Variants in CAMK4 observed in about 807,000 individuals in gnomAD.
The protein encoded by CAMK4 is calcium/calmodulin dependent protein kinase IV, also known as calcium/calmodulin-dependent protein kinase type IV.
A neutral mutation model predicts 44.9 loss-of-function variants in CAMK4; 22 were observed. The ratio of observed to expected loss-of-function variants is 0.49; its 90% confidence interval spans 0.35 to 0.70. The LOEUF (loss-of-function observed/expected upper bound fraction) is 0.70. Among genes scored for constraint, CAMK4 ranks in the 30% least tolerant of loss-of-function variants. The pLI is 0.01. For missense variants in CAMK4, 498 were observed against 586.8 expected (o/e 0.85, Z 1.56); for synonymous variants, 218 against 215.4 (o/e 1.01, Z -0.11).
chr5:111,224,599 G>A lies in CAMK4; in HGVS notation c.116G>A (p.Arg39Lys), dbSNP rs1561344615. Residue 39 changes from arginine to lysine, a missense_variant, in exon 1 of 11, where the codon AGG becomes AAG. Coordinates refer to ENST00000282356, the MANE Select transcript of CAMK4 (RefSeq NM_001744.6). This position sits in a 1 kb window ranked among gnomAD's most constrained non-coding sequence, Gnocchi z 5.7. ...VPDYWIDGSN[R>K]DALSDFFEVE... ...GATTACTGGATCGACGGCTCCAACA[G>A]GGATGCGCTGAGCGATTTCTTCGAG... The A allele has an allele frequency of 3.1e-6, 5 of 1,612,062 alleles. No individual in the cohort carries two copies. Among genetic ancestry groups the A allele is most frequent in the Non-Finnish European group, 4.2e-6 (5 of 1,179,632 alleles).
chr5:111,344,193 G>T, intron 2 of CAMK4, 91 bp downstream of exon 2: 8 of 725,648 alleles, frequency 1.1e-5, no homozygotes, highest in Admixed American at 7.1e-5. Flanking sequence ...GGGCCAGAGA[G>T]CTGCTGTGTG....
chr5:111,397,647 T>C (rs1752067309), intron 5 of CAMK4, among the ~76,000 whole-genome samples: 2 of 131,006 alleles, frequency 1.5e-5, no homozygotes, highest in Non-Finnish European at 3.2e-5. Flanking sequence ...CAAGTCAGCA[T>C]GCTGTGTGTG....
At chr5:111,324,482 G>A (rs1042919289) in intron 1 of CAMK4, among the ~76,000 whole-genome samples, 8 of 151,802 alleles carry the variant, frequency 5.3e-5, no homozygotes, top group Non-Finnish European at 7.4e-5. Context: ...GAAATGAAGG[G>A]GCATTTCATA....
chr5:111,279,428 G>A (rs187204419), intron 1 of CAMK4, among the ~76,000 whole-genome samples: 1 of 152,276 alleles, frequency 6.6e-6, no homozygotes, highest in African/African-American at 2.4e-5. Flanking sequence ...ATCCATGTAT[G>A]AGAAAGCTAG....
intron 5 of CAMK4, among the ~76,000 whole-genome samples, chr5:111,396,247 TA>T (rs1176246980): frequency 3.9e-5 from 6 of 152,208 alleles, no homozygotes; most frequent in African/African-American, 1.2e-4. Context: ...TTATTCCCCA[TA>T]AAAGTGTTTT....
chr5:111,310,001 G>T (rs1748130363), intron 1 of CAMK4, among the ~76,000 whole-genome samples: 1 of 152,168 alleles, frequency 6.6e-6, no homozygotes, highest in Admixed American at 6.5e-5. Flanking sequence ...AGACAGCAGG[G>T]TTCAGGCTTC....
Position 111,482,172 on chromosome 5 carries a change from AT to A in CAMK4, c.829-611del, listed in dbSNP as rs1363009558. The A allele has an allele frequency of 6.6e-6, 1 of 152,182 alleles. No individual in the cohort carries two copies. The highest frequency in any genetic ancestry group is 2.4e-5 in the African/African-American group (1 of 41,434). The allele number at this position is 152,182 out of a possible 1,614,324, so 9.4% of individuals were successfully genotyped here. A position where few individuals can be genotyped will look rare whatever the true frequency, so the allele number is the denominator to read the frequency against. ...AACCTCCAAGAATGGGCTGCCATTG[AT>A]TGGATTCCATTCTTTAGGCAAATCA... On this transcript the variant is annotated intron_variant, in intron 9 of 10. Transcript: ENST00000282356. The surrounding 1 kb of genome is among the most constrained non-coding windows in gnomAD (Gnocchi z 4.9).
chr5:111,443,825 G>GA (rs952175253), intron 5 of CAMK4, among the ~76,000 whole-genome samples: 1 of 152,104 alleles, frequency 6.6e-6, no homozygotes, highest in Admixed American at 6.5e-5. Flanking sequence ...AGATTAGGGG[G>GA]AAAAATCAAT....
chr5:111,284,540 C>CG lies in CAMK4; in HGVS notation c.162-59482dup, dbSNP rs541900368. On this transcript the variant is annotated intron_variant, in intron 1 of 10. Coordinates refer to ENST00000282356, the MANE Select transcript of CAMK4 (RefSeq NM_001744.6). Reference sequence around the variant, plus strand: ...GATAGAAGCCTTGTCTGGCTCTGGGCGGATCACCAGCCTCAGATAGTCTCT... The same window carrying CG: ...GATAGAAGCCTTGTCTGGCTCTGGGCGGGATCACCAGCCTCAGATAGTCTCT... Among the ~76,000 whole-genome samples the CG allele has an allele frequency of 3.9e-3, 601 of 152,238 alleles. 7 individuals are homozygous for CG. The highest frequency in any genetic ancestry group is 0.013 in the African/African-American group (560 of 41,526).
At chr5:111,419,793 A>G (rs913259386) in intron 5 of CAMK4, among the ~76,000 whole-genome samples, 2 of 152,064 alleles carry the variant, frequency 1.3e-5, no homozygotes, top group African/African-American at 4.8e-5. Flanking sequence ...GTTCTGTTCC[A>G]TTGATCTATA....
chr5:111,432,542 AC>A (rs1339066212), intron 5 of CAMK4, among the ~76,000 whole-genome samples: 1 of 150,224 alleles, frequency 6.7e-6, no homozygotes, highest in Non-Finnish European at 1.5e-5. Context: ...GGGGATAGAT[AC>A]CCCCATTCTC....
chr5:111,247,683 C>G (rs906846000), intron 1 of CAMK4, among the ~76,000 whole-genome samples: 10 of 152,030 alleles, frequency 6.6e-5, no homozygotes, highest in Non-Finnish European at 1.5e-4. Flanking sequence ...CAGTTTTGCT[C>G]CTAAGGACTT....
intron 5 of CAMK4, among the ~76,000 whole-genome samples, chr5:111,414,645 A>T (rs1462451661): frequency 6.6e-6 from 1 of 152,222 alleles, no homozygotes; most frequent in Non-Finnish European, 1.5e-5. Context: ...GGAAAAACAA[A>T]ATCTATTGGA....
intron 2 of CAMK4, among the ~76,000 whole-genome samples, chr5:111,348,881 G>A (rs1372110748): frequency 2.6e-5 from 4 of 152,004 alleles, no homozygotes; most frequent in Admixed American, 2.0e-4. Flanking sequence ...CTCTCTAAAT[G>A]TTATGACAAA....
intron 9 of CAMK4, among the ~76,000 whole-genome samples, chr5:111,481,525 A>G (rs930827463): frequency 5.3e-5 from 8 of 152,168 alleles, no homozygotes; most frequent in Non-Finnish European, 1.5e-5. Context: ...TCCTCATTTG[A>G]CTTGCCGCCT....
chr5:111,463,143 T>C (rs183141850), intron 7 of CAMK4, among the ~76,000 whole-genome samples: 242 of 152,336 alleles, frequency 1.6e-3, no homozygotes, highest in Non-Finnish European at 3.1e-3. Context: ...AATGGTAAGA[T>C]AATTTTAGGA....
At chr5:111,324,360 T>C (rs1748786681) in intron 1 of CAMK4, among the ~76,000 whole-genome samples, 1 of 151,968 alleles carries the variant, frequency 6.6e-6, no homozygotes, top group African/African-American at 2.4e-5. Context: ...TAAAAAGAAA[T>C]ATTCAAATTC....
intron 1 of CAMK4, among the ~76,000 whole-genome samples, chr5:111,236,116 G>A (rs990288531): frequency 1.1e-4 from 17 of 152,206 alleles, no homozygotes; most frequent in African/African-American, 4.1e-4. Context: ...AATCAAATGA[G>A]ATCACAAATG....
chr5:111,326,662 G>C (rs562562575), intron 1 of CAMK4, among the ~76,000 whole-genome samples: 87 of 145,048 alleles, frequency 6.0e-4, no homozygotes, highest in Non-Finnish European at 9.6e-4. Flanking sequence ...GTGTCTCTCT[G>C]TGTGTGTGTA....
Sources: gnomAD v4.1 joint callset for allele counts (sites outside exome capture counted in the v4.1 genomes callset) on GRCh38, gnomAD v4.1.1 for gene constraint, Gnocchi (gnomAD v3.1) non-coding constraint, MANE v1.5 for transcripts, NCBI Gene and HGNC (gene_info 2026-07-23, HGNC 2026-07-21) for gene names.